Variants in IL1RAPL1 observed in about 807,000 individuals in gnomAD.
The protein encoded by IL1RAPL1 is interleukin-1 receptor accessory protein-like 1.
Under a neutral mutation model 48.4 loss-of-function variants are expected in IL1RAPL1, and 3 were observed. The ratio of observed to expected loss-of-function variants is 0.06; its 90% CI spans 0.03 to 0.16. The LOEUF is 0.16. IL1RAPL1 is among the 10% of genes least tolerant of loss of function. The pLI is 1.00. For synonymous variants in IL1RAPL1, 185 were observed against 187.7 expected (o/e 0.99, Z 0.12); for missense variants, 349 against 530.6 (o/e 0.66, Z 3.36).
intron 2 of IL1RAPL1, among the ~76,000 whole-genome samples, chrX:29,093,004 ACCAGTCATTACTG>A (rs1260825878): frequency 8.9e-6 from 1 of 111,809 alleles, no homozygotes; most frequent in Admixed American, 9.6e-5. Flanking sequence ...ATCTATATTA[ACCAGTCATTACTG>A]CCATGTTGCT....
chrX:28,724,715 T>G (rs1416166125), intron 1 of IL1RAPL1, among the ~76,000 whole-genome samples: 1 of 111,476 alleles, frequency 9.0e-6, no homozygotes, highest in Non-Finnish European at 1.9e-5. Context: ...ATTTGGCATG[T>G]TTTTGCAGTG....
At chrX:28,738,948 G>A (rs1225014117) in intron 1 of IL1RAPL1, among the ~76,000 whole-genome samples, 1 of 110,785 alleles carries the variant, frequency 9.0e-6, no homozygotes, top group Non-Finnish European at 1.9e-5. Flanking sequence ...GGCTGTCTAA[G>A]TGATCTTTCC....
chrX:28,621,548 C>T (rs1316832682), intron 1 of IL1RAPL1, among the ~76,000 whole-genome samples: 3 of 111,677 alleles, frequency 2.7e-5, no homozygotes, highest in South Asian at 7.4e-4. Flanking sequence ...CCTTGGAGAC[C>T]GCATTCTTTT....
At chrX:28,724,741 T>G (rs1935642389) in intron 1 of IL1RAPL1, among the ~76,000 whole-genome samples, 1 of 111,333 alleles carries the variant, frequency 9.0e-6, no homozygotes, top group Non-Finnish European at 1.9e-5. Flanking sequence ...TACTGGTTGT[T>G]TCTTTCCATG....
intron 2 of IL1RAPL1, among the ~76,000 whole-genome samples, chrX:29,203,014 G>A (rs1412944002): frequency 9.0e-6 from 1 of 111,433 alleles, no homozygotes; most frequent in African/African-American, 3.3e-5. Context: ...TAGAATAAAA[G>A]ATAAAACAAA....
At chrX:28,818,219 A>G (rs190873027) in intron 2 of IL1RAPL1, among the ~76,000 whole-genome samples, 32 of 110,965 alleles carry the variant, frequency 2.9e-4, no homozygotes, top group African/African-American at 1.0e-3. Context: ...ATTTAAGGAC[A>G]CGGGGATTGC....
chrX:29,595,840 C>T (rs1016538731), intron 5 of IL1RAPL1, among the ~76,000 whole-genome samples: 18 of 110,878 alleles, frequency 1.6e-4, no homozygotes, highest in African/African-American at 4.3e-4. Flanking sequence ...TTTTTTTCAA[C>T]GTTATCTTCT....
intron 2 of IL1RAPL1, among the ~76,000 whole-genome samples, chrX:29,141,320 T>TCC (rs1190754718): frequency 9.0e-6 from 1 of 111,273 alleles, no homozygotes; most frequent in Non-Finnish European, 1.9e-5. Context: ...ACAGAAGCAA[T>TCC]CACAGGCTAT....
At chrX:29,152,464 A>G (rs757468805) in intron 2 of IL1RAPL1, among the ~76,000 whole-genome samples, 2 of 111,796 alleles carry the variant, frequency 1.8e-5, no homozygotes, top group Non-Finnish European at 3.8e-5. Context: ...TCCCCGTCCC[A>G]CATAGTCAAA....
intron 2 of IL1RAPL1, among the ~76,000 whole-genome samples, chrX:29,057,184 G>T: frequency 9.0e-6 from 1 of 111,570 alleles, no homozygotes; most frequent in Non-Finnish European, 1.9e-5. Context: ...AAATAAAAAT[G>T]ATGACCTCAT....
intron 1 of IL1RAPL1, among the ~76,000 whole-genome samples, chrX:28,686,356 C>G (rs1935110815): frequency 8.9e-6 from 1 of 112,075 alleles, no homozygotes; most frequent in Non-Finnish European, 1.9e-5. Flanking sequence ...TAGCTTTCTT[C>G]TAGACCCCCA....
intron 2 of IL1RAPL1, among the ~76,000 whole-genome samples, chrX:28,895,062 G>A (rs1296947573): frequency 3.6e-5 from 4 of 110,780 alleles, no homozygotes; most frequent in African/African-American, 1.3e-4. Context: ...AAGAGAGGCT[G>A]GGATGAAGGG....
intron 5 of IL1RAPL1, among the ~76,000 whole-genome samples, chrX:29,653,641 T>C (rs972066567): frequency 1.8e-5 from 2 of 111,438 alleles, no homozygotes; most frequent in Non-Finnish European, 3.8e-5. Flanking sequence ...TGACTTGTGA[T>C]AGACTTGTTT....
chrX:29,738,898 C>T (rs1322509810), intron 6 of IL1RAPL1, among the ~76,000 whole-genome samples: 1 of 112,471 alleles, frequency 8.9e-6, no homozygotes, highest in East Asian at 2.8e-4. Flanking sequence ...GATCCCTCCA[C>T]TGTATCTTCC....
At chrX:29,061,409 A>G (rs1927338665) in intron 2 of IL1RAPL1, among the ~76,000 whole-genome samples, 1 of 111,996 alleles carries the variant, frequency 8.9e-6, no homozygotes, top group Non-Finnish European at 1.9e-5. Flanking sequence ...GAAGGTATCG[A>G]TGCTATATAT....
chrX:29,954,462 T>C (rs1933379369), intron 9 of IL1RAPL1, 60 bp from the exon 10 acceptor site: 1 of 976,013 alleles, frequency 1.0e-6, no homozygotes, highest in Non-Finnish European at 1.5e-6. Context: ...CATGTTTTCA[T>C]GTCCTATTGT....
At chrX:29,719,768 A>AT (rs869189699) in intron 6 of IL1RAPL1, among the ~76,000 whole-genome samples, 2 of 106,487 alleles carry the variant, frequency 1.9e-5, no homozygotes, top group Non-Finnish European at 3.9e-5. Flanking sequence ...AAAAAAAAAA[A>AT]TGTGACCTCA....
chrX:28,823,685 C>A (rs761745108), intron 2 of IL1RAPL1, among the ~76,000 whole-genome samples: 6 of 111,176 alleles, frequency 5.4e-5, no homozygotes, highest in African/African-American at 1.6e-4. Context: ...ATTTCCTTGT[C>A]TTTTCTAGCT....
intron 5 of IL1RAPL1, among the ~76,000 whole-genome samples, chrX:29,524,429 A>C (rs1254011136): frequency 9.0e-6 from 1 of 111,181 alleles, no homozygotes; most frequent in Non-Finnish European, 1.9e-5. Flanking sequence ...GCAATTACAG[A>C]TATATTTTAT....
Sources: allele counts gnomAD v4.1 joint callset (sites outside exome capture counted in the v4.1 genomes callset), GRCh38; gene constraint gnomAD v4.1.1; transcripts MANE v1.5; gene names NCBI Gene and HGNC (gene_info 2026-07-23, HGNC 2026-07-21).